WWOX: variants seen among roughly 807,000 people sequenced by gnomAD.
The protein encoded by WWOX is WW domain-containing oxidoreductase.
Under a neutral mutation model 46.2 loss-of-function variants are expected in WWOX, and 69 were observed. The observed-to-expected ratio is 1.49, with a 90% CI of 1.23 to 1.82. WWOX has a LOEUF of 1.82. WWOX is among the 40% of genes most tolerant of loss of function. WWOX has a pLI of 0.00. For missense variants in WWOX, 919 were observed against 542.6 expected (o/e 1.69, Z -6.89); for synonymous variants, 359 against 202.6 (o/e 1.77, Z -6.56).
intron 8 of WWOX, among the ~76,000 whole-genome samples, chr16:78,661,491 T>A (rs1473798270): frequency 2.6e-5 from 4 of 152,220 alleles, no homozygotes; most frequent in African/African-American, 7.2e-5. Context: ...GTTATTTGTC[T>A]GGATTTGATC....
At chr16:79,197,288 C>T (rs1423454113) in intron 8 of WWOX, among the ~76,000 whole-genome samples, 1 of 152,168 alleles carries the variant, frequency 6.6e-6, no homozygotes, top group Non-Finnish European at 1.5e-5. Context: ...CTCAAAAATT[C>T]TTACAGCTGT....
intron 5 of WWOX, among the ~76,000 whole-genome samples, chr16:78,242,520 A>G (rs988921599): frequency 6.6e-6 from 1 of 152,196 alleles, no homozygotes; most frequent in Non-Finnish European, 1.5e-5. Context: ...GTCTGACCAA[A>G]TGTAACATTC....
intron 8 of WWOX, among the ~76,000 whole-genome samples, chr16:78,513,642 C>A (rs571540716): frequency 6.6e-6 from 1 of 152,136 alleles, no homozygotes; most frequent in African/African-American, 2.4e-5. Context: ...CCCACTGATA[C>A]TTACAAATAT....
At chr16:78,484,640 A>T (rs2084584759) in intron 8 of WWOX, among the ~76,000 whole-genome samples, 1 of 152,044 alleles carries the variant, frequency 6.6e-6, no homozygotes, top group Admixed American at 6.5e-5. Context: ...TGTGTGTAGA[A>T]GTTGAGTGGA....
intron 6 of WWOX, among the ~76,000 whole-genome samples, chr16:78,407,187 G>T (rs1051400329): frequency 4.6e-5 from 7 of 152,112 alleles, no homozygotes; most frequent in African/African-American, 1.7e-4. Flanking sequence ...TTTCTGGGAG[G>T]AAAGACAGTT....
At chr16:78,736,672 A>G (rs2049099790) in intron 8 of WWOX, among the ~76,000 whole-genome samples, 4 of 152,080 alleles carry the variant, frequency 2.6e-5, no homozygotes. Flanking sequence ...ATATTAGCTC[A>G]CTGCAGCCTC....
chr16:78,715,095 A>G (rs1180183875), intron 8 of WWOX, among the ~76,000 whole-genome samples: 2 of 151,852 alleles, frequency 1.3e-5, no homozygotes, highest in Non-Finnish European at 2.9e-5. Flanking sequence ...AACCTGGGCC[A>G]CATAGTGAGA....
At chr16:78,817,373 T>C (rs922236701) in intron 8 of WWOX, among the ~76,000 whole-genome samples, 1 of 152,118 alleles carries the variant, frequency 6.6e-6, no homozygotes, top group African/African-American at 2.4e-5. Context: ...CTATTCCTAG[T>C]GCAGGCCAGC....
chr16:78,430,777 A>G (rs1356132516), intron 7 of WWOX, among the ~76,000 whole-genome samples: 1 of 152,120 alleles, frequency 6.6e-6, no homozygotes, highest in Non-Finnish European at 1.5e-5. Context: ...TAGAGCAGCT[A>G]TGTCATTTAA....
At chr16:78,672,245 A>C (rs537688933) in intron 8 of WWOX, among the ~76,000 whole-genome samples, 13 of 152,164 alleles carry the variant, frequency 8.5e-5, no homozygotes, top group Non-Finnish European at 1.8e-4. Context: ...TCCATGTTCA[A>C]GGTGATAACC....
At chr16:78,741,186 C>G (rs945764262) in intron 8 of WWOX, among the ~76,000 whole-genome samples, 2 of 152,210 alleles carry the variant, frequency 1.3e-5, no homozygotes, top group Non-Finnish European at 2.9e-5. Context: ...ATTTATCCCA[C>G]AAAGCCTAGA....
intron 4 of WWOX, among the ~76,000 whole-genome samples, chr16:78,154,934 G>A (rs985340718): frequency 2.3e-4 from 35 of 152,156 alleles, no homozygotes; most frequent in African/African-American, 8.2e-4. Flanking sequence ...AGTGCCTGCA[G>A]TGGCCTGGCG....
intron 8 of WWOX, among the ~76,000 whole-genome samples, chr16:79,170,174 G>C (rs1304033257): frequency 3.9e-5 from 6 of 152,174 alleles, no homozygotes; most frequent in Non-Finnish European, 2.9e-5. Flanking sequence ...TGTTTTTCCA[G>C]TGGAAATGAT....
intron 8 of WWOX, among the ~76,000 whole-genome samples, chr16:78,448,011 C>G (rs1183170263): frequency 6.6e-6 from 1 of 152,066 alleles, no homozygotes; most frequent in Non-Finnish European, 1.5e-5. Context: ...ACCATACTGG[C>G]CCAGCTGGTC....
At chr16:78,192,300 G>A (rs2035907848) in intron 5 of WWOX, among the ~76,000 whole-genome samples, 1 of 152,074 alleles carries the variant, frequency 6.6e-6, no homozygotes. Flanking sequence ...TTCGAGACCA[G>A]TCTGGCCAAC....
At chr16:78,815,352 A>C (rs2051302075) in intron 8 of WWOX, among the ~76,000 whole-genome samples, 1 of 152,048 alleles carries the variant, frequency 6.6e-6, no homozygotes, top group South Asian at 2.1e-4. Flanking sequence ...AGAAGGTTTC[A>C]TACATTTTAG....
At chr16:78,725,665 G>C (rs760273891) in intron 8 of WWOX, among the ~76,000 whole-genome samples, 2 of 151,942 alleles carry the variant, frequency 1.3e-5, no homozygotes, top group African/African-American at 4.8e-5. Flanking sequence ...TGGTTTCTTA[G>C]GGTTGGATGG....
At chr16:78,372,503 C>T (rs1463184159) in intron 5 of WWOX, among the ~76,000 whole-genome samples, 1 of 152,232 alleles carries the variant, frequency 6.6e-6, no homozygotes, top group Middle Eastern at 3.4e-3. Context: ...GGTAAAGAAC[C>T]TTGTAGTAAG....
At chr16:79,117,789 C>T (rs999818476) in intron 8 of WWOX, among the ~76,000 whole-genome samples, 8 of 152,210 alleles carry the variant, frequency 5.3e-5, no homozygotes, top group African/African-American at 1.7e-4. Flanking sequence ...CATGAACCGA[C>T]CTCTGCTAGC....
Sources: gnomAD v4.1 joint callset for allele counts (sites outside exome capture counted in the v4.1 genomes callset) on GRCh38, gnomAD v4.1.1 for gene constraint, MANE v1.5 for transcripts, NCBI Gene and HGNC (gene_info 2026-07-23, HGNC 2026-07-21) for gene names.